The following CBR4 variants were observed in gnomAD, a reference collection of about 807,000 sequenced individuals.
CBR4 encodes carbonyl reductase 4.
In CBR4, 22 loss-of-function variants were observed where a neutral mutation model predicts 21.0. The ratio of observed to expected loss-of-function variants is 1.05; its 90% CI spans 0.75 to 1.50. CBR4 has a LOEUF of 1.50. Among genes scored for constraint, CBR4 ranks in the 40% most tolerant of loss-of-function variants. The pLI is 0.00. For missense variants in CBR4, 302 were observed against 286.3 expected, an observed-to-expected ratio of 1.05 and a Z score of -0.40; for synonymous variants, 100 against 104.4, an observed-to-expected ratio of 0.96 and a Z score of 0.26.
chr4:169,001,311 C>CAAA (rs1425875775), intron 4 of CBR4: 1 of 152,098 alleles, frequency 6.6e-6, no homozygotes, highest in Non-Finnish European at 1.5e-5. Flanking sequence ...AATCAAAAGA[C>CAAA]AAAGCTTTTA....
intron 2 of CBR4, among the ~76,000 whole-genome samples, chr4:168,942,384 C>A (rs2126681214): frequency 1.3e-5 from 2 of 151,046 alleles, no homozygotes; most frequent in East Asian, 3.9e-4. Flanking sequence ...CATGTAATCC[C>A]AGAATTTAAA....
In CBR4 at chr4:168,988,058, T is replaced by G. The variant is rs988768184; in HGVS notation, c.*2092A>C. ...AGAATTCATTCAATGCTTCTCAGAA[T>G]AGCAGATTTTAAAAAATGAATTCAC... On this transcript the variant is annotated 3_prime_UTR_variant, in exon 5 of 5. Coordinates refer to ENST00000306193, the MANE Select transcript of CBR4 (RefSeq NM_032783.5). 1 of 985,322 alleles carries G rather than the reference T, an allele frequency of 1.0e-6. No homozygotes were observed. The highest frequency in any genetic ancestry group is 4.7e-5 in the South Asian group (1 of 21,294). The allele number at this position is 985,322 out of a possible 1,614,324, so 61.0% of individuals were successfully genotyped here. A position where few individuals can be genotyped will look rare whatever the true frequency, so the allele number is the denominator to read the frequency against.
chr4:168,969,275 C>A (rs1479489808), intron 2 of CBR4, among the ~76,000 whole-genome samples: 2 of 152,142 alleles, frequency 1.3e-5, no homozygotes, highest in Non-Finnish European at 2.9e-5. Flanking sequence ...TTGATTAGGT[C>A]TGGATCAGAG....
chr4:168,927,570 C>T lies in CBR4; in HGVS notation n.170-32805G>A, dbSNP rs1762718380. On this transcript the variant is annotated intron_variant and non_coding_transcript_variant, in intron 2 of 3. Coordinates refer to the CBR4 transcript ENST00000509108. Reference sequence around the variant, plus strand: ...AAGGAAGTGGAGACATAAGGAGAGACAAAAACAGGTTTGTGCCATAAAGTA... The same window carrying T: ...AAGGAAGTGGAGACATAAGGAGAGATAAAAACAGGTTTGTGCCATAAAGTA... 2 of 230,300 alleles carry T rather than the reference C, an allele frequency of 8.7e-6. 1 individual carries two copies. The highest frequency in any genetic ancestry group is 2.6e-3 in the Middle Eastern group (2 of 774). 14.3% of individuals were successfully genotyped at this position (230,300 alleles called of 1,614,324 possible). A position where few individuals can be genotyped will look rare whatever the true frequency, so the allele number is the denominator to read the frequency against.
At chr4:168,926,152 A>C in intron 2 of CBR4, 1 of 1,320,750 alleles carries the variant, frequency 7.6e-7, no homozygotes. Flanking sequence ...TATTTGAAAT[A>C]TCTAAAGGCT....
chr4:168,938,736 T>C (rs965855320), intron 2 of CBR4, among the ~76,000 whole-genome samples: 2 of 152,076 alleles, frequency 1.3e-5, no homozygotes, highest in East Asian at 1.9e-4. Context: ...CCTGGACACA[T>C]AAACCCTCCC....
chr4:168,939,326 C>A (rs370923321), intron 2 of CBR4, among the ~76,000 whole-genome samples: 1 of 152,204 alleles, frequency 6.6e-6, no homozygotes, highest in East Asian at 1.9e-4. Flanking sequence ...TTATGACAAA[C>A]CCACAGCCAA....
At position 168,988,578 on chromosome 4, in the gene CBR4, A is replaced by T. The variant is rs1433649472; in HGVS notation, c.*1572T>A. On this transcript the variant is annotated 3_prime_UTR_variant, in exon 5 of 5. Coordinates refer to ENST00000306193, the MANE Select transcript of CBR4 (RefSeq NM_032783.5). ...TAAGCTCCCCTACCTTACAAGCATC[A>T]ACTACTACATTGAAACCATTCTGAG... 2.0e-6 allele frequency: 2 copies of T among 985,324 alleles called. No individual in the cohort carries two copies. The highest frequency in any genetic ancestry group is 2.4e-6 in the Non-Finnish European group (2 of 829,930). 61.0% of individuals were successfully genotyped at this position (985,324 alleles called of 1,614,324 possible).
intron 4 of CBR4, among the ~76,000 whole-genome samples, chr4:168,997,008 C>T (rs943311974): frequency 2.0e-5 from 3 of 152,106 alleles, no homozygotes; most frequent in Non-Finnish European, 2.9e-5. Context: ...TATTACTTTC[C>T]GGTCTGTGCT....
intron 2 of CBR4, among the ~76,000 whole-genome samples, chr4:168,918,910 T>G (rs2126395703): frequency 6.6e-6 from 1 of 152,340 alleles, no homozygotes; most frequent in African/African-American, 2.4e-5. Context: ...TTATTAATTT[T>G]ACGTGTAAAA....
chr4:168,909,063 T>C (rs1330722721), intron 2 of CBR4, among the ~76,000 whole-genome samples: 1 of 152,176 alleles, frequency 6.6e-6, no homozygotes, highest in Non-Finnish European at 1.5e-5. Context: ...AGCAATCACA[T>C]AGTTTAGCAA....
chr4:168,974,861 T>C (rs1157833231), intron 2 of CBR4, among the ~76,000 whole-genome samples: 1 of 152,198 alleles, frequency 6.6e-6, no homozygotes, highest in African/African-American at 2.4e-5. Context: ...TGGTATCTCC[T>C]TGAGTAGCTT....
intron 2 of CBR4, among the ~76,000 whole-genome samples, chr4:168,979,085 C>T (rs1262986890): frequency 6.6e-6 from 1 of 151,922 alleles, no homozygotes; most frequent in Non-Finnish European, 1.5e-5. Context: ...AGAGGCCACA[C>T]TATTTTCCAC....
chr4:168,986,420 G>A (rs1399451813), downstream of CBR4, among the ~76,000 whole-genome samples: 1 of 152,100 alleles, frequency 6.6e-6, no homozygotes, highest in Admixed American at 6.6e-5. Flanking sequence ...TTATTTAATA[G>A]CAATAAGAGC....
At chr4:168,919,626 T>C (rs1761019146) in intron 2 of CBR4, among the ~76,000 whole-genome samples, 1 of 151,758 alleles carries the variant, frequency 6.6e-6, no homozygotes, top group South Asian at 2.1e-4. Context: ...ATCCTGACGA[T>C]AAGCCAAACA....
chr4:168,896,208 CAAAA>C (rs35567491), intron 2 of CBR4, among the ~76,000 whole-genome samples: 1 of 132,200 alleles, frequency 7.6e-6, no homozygotes, highest in Admixed American at 7.5e-5. Flanking sequence ...GACTCCATCT[CAAAA>C]AAAAAAAAAA....
chr4:168,904,135 A>G, intron 2 of CBR4: 1 of 531,222 alleles, frequency 1.9e-6, no homozygotes, highest in South Asian at 2.0e-5. Context: ...AATATTATTA[A>G]GGGTCTAATA....
chr4:168,895,056 G>A (rs1171044673), intron 2 of CBR4, among the ~76,000 whole-genome samples: 1 of 152,048 alleles, frequency 6.6e-6, no homozygotes, highest in Admixed American at 6.6e-5. Flanking sequence ...TGAACAACAC[G>A]GGAGTTAGGG....
chr4:168,946,133 G>A (rs1383620648), intron 2 of CBR4, among the ~76,000 whole-genome samples: 1 of 152,062 alleles, frequency 6.6e-6, no homozygotes, highest in Non-Finnish European at 1.5e-5. Flanking sequence ...AGAGATACCA[G>A]GAATAGTTTA....
Sources: allele counts gnomAD v4.1 joint callset (sites outside exome capture counted in the v4.1 genomes callset), GRCh38; gene constraint gnomAD v4.1.1; transcripts MANE v1.5; gene names NCBI Gene and HGNC (gene_info 2026-07-23, HGNC 2026-07-21).